The following USP36 variants were observed in gnomAD, a reference collection of about 807,000 sequenced individuals.
The protein encoded by USP36 is ubiquitin carboxyl-terminal hydrolase 36.
Under a neutral mutation model 111.5 loss-of-function variants are expected in USP36, and 59 were observed. That is an observed-to-expected ratio of 0.53 (90% CI 0.43 to 0.66). The LOEUF is 0.66. Among genes scored for constraint, USP36 ranks in the 30% least tolerant of loss-of-function variants. USP36 has a pLI of 0.00. For missense variants in USP36, 1,488 were observed against 1,468.0 expected, an observed-to-expected ratio of 1.01 and a Z score of -0.22; for synonymous variants, 628 against 581.0, an observed-to-expected ratio of 1.08 and a Z score of -1.16.
At chr17:78,805,093 A>G (rs1294641576) in intron 15 of USP36, among the ~76,000 whole-genome samples, 1 of 152,178 alleles carries the variant, frequency 6.6e-6, no homozygotes, top group Non-Finnish European at 1.5e-5. Context: ...ATGTGTCTCT[A>G]GGAAAATTAA....
intron 4 of USP36, among the ~76,000 whole-genome samples, chr17:78,830,803 A>G (rs2068012662): frequency 6.6e-6 from 1 of 152,152 alleles, no homozygotes; most frequent in Non-Finnish European, 1.5e-5. Context: ...TTGCCTTTAC[A>G]TAAAGGGGAG....
chr17:78,806,820 C>G, intron 14 of USP36, 139 bp downstream of exon 14: 1 of 1,235,168 alleles, frequency 8.1e-7, no homozygotes, highest in African/African-American at 1.5e-5. Flanking sequence ...TGGCTGGGAA[C>G]GACTAAAAGA....
At chr17:78,840,207 G>A (rs2145716880) in intron 1 of USP36, 2 of 152,428 alleles carry the variant, frequency 1.3e-5, no homozygotes, top group East Asian at 3.9e-4. Context: ...TCTGGGTTTG[G>A]CGGCCGCCAC....
At chr17:78,838,549 A>G (rs1020388308) in intron 2 of USP36, 38 bp downstream of exon 2, 5 of 152,190 alleles carry the variant, frequency 3.3e-5, no homozygotes, top group Admixed American at 2.0e-4. Context: ...AGACAATTCA[A>G]CGGAATCAAA....
At chr17:78,805,388 G>A (rs1439677964) in intron 15 of USP36, among the ~76,000 whole-genome samples, 1 of 152,208 alleles carries the variant, frequency 6.6e-6, no homozygotes, top group East Asian at 1.9e-4. Context: ...GTATATGTGA[G>A]AGGAGAGTAA....
At position 78,827,265 on chromosome 17, in the gene USP36, G is replaced by C. The variant is rs900975228; in HGVS notation, c.669C>G (p.Ala223=). 5.0e-6 allele frequency: 8 copies of C among 1,613,756 alleles called. No homozygotes were observed. The highest frequency in any genetic ancestry group is 6.8e-6 in the Non-Finnish European group (8 of 1,180,038). Reference sequence around the variant, plus strand: ...CGCACTTGGCACAGCCATTCAGGCAGGCTTTCTGCATGGCGTCGATGGTGT... The same window carrying C: ...CGCACTTGGCACAGCCATTCAGGCACGCTTTCTGCATGGCGTCGATGGTGT... The part of the protein sequence containing the change: ...LRYTIDAMQK[A]CLNGCAKLDR... The change falls in exon 6 of 21, where the codon GCC becomes GCG. Residue 223 remains alanine, a synonymous_variant. Transcript: ENST00000449938.
In USP36 at chr17:78,803,652, T is replaced by G. The variant is rs768866105; in HGVS notation, c.2543A>C (p.Lys848Thr). ...AAPHGKRKRK[K>T]KKRPEDTAAS... is the part of the protein sequence containing the mutation. ...AGCTGTGTCCTCCGGGCGCTTCTTC[T>G]TCTTCCTCTTCCTCTTCCCGTGGGG... Residue 848 changes from lysine (K) to threonine (T), a missense_variant, in exon 16 of 21, where the codon AAG becomes ACG. Transcript: ENST00000449938. This position sits in a 1 kb window ranked among gnomAD's most constrained non-coding sequence, Gnocchi z 4.6. The G allele has an allele frequency of 1.2e-6, 2 of 1,609,986 alleles. No individual in the cohort carries two copies. Among genetic ancestry groups the G allele is most frequent in the Admixed American group, 1.7e-5 (1 of 59,804 alleles).
chr17:78,800,587 A>C (rs1460736818), intron 17 of USP36, among the ~76,000 whole-genome samples: 6 of 152,164 alleles, frequency 3.9e-5, no homozygotes, highest in Non-Finnish European at 5.9e-5. Context: ...GCCCCCACAC[A>C]GTGGCTTCCA....
chr17:78,822,535 G>C (rs185392724), intron 6 of USP36, among the ~76,000 whole-genome samples: 2 of 152,238 alleles, frequency 1.3e-5, no homozygotes, highest in Non-Finnish European at 2.9e-5. Context: ...GTCTCAGAGA[G>C]GACAGCGGAG....
chr17:78,816,051 C>A (rs560972897), intron 10 of USP36, among the ~76,000 whole-genome samples: 17 of 152,290 alleles, frequency 1.1e-4, no homozygotes, highest in Admixed American at 1.1e-3. Context: ...GGCATGGCAG[C>A]TGTAGGCTGA....
intron 6 of USP36, among the ~76,000 whole-genome samples, chr17:78,825,392 T>C (rs2067445292): frequency 6.6e-6 from 1 of 152,146 alleles, no homozygotes; most frequent in Admixed American, 6.5e-5. Context: ...TATGAGAAGC[T>C]CACCATTGGT....
At chr17:78,821,903 G>C in intron 7 of USP36, 34 bp downstream of exon 7, 1 of 1,611,468 alleles carries the variant, frequency 6.2e-7, no homozygotes, top group Non-Finnish European at 8.5e-7. Flanking sequence ...TTCTAATCCT[G>C]GCAAGAAGCA....
chr17:78,828,496 A>G (rs1267785960), intron 5 of USP36, among the ~76,000 whole-genome samples: 1 of 152,046 alleles, frequency 6.6e-6, no homozygotes, highest in African/African-American at 2.4e-5. Context: ...CACCTGCCCA[A>G]AGGAAAAGCT....
At chr17:78,791,530 T>C (rs184567725), downstream of USP36, among the ~76,000 whole-genome samples, 190 of 152,234 alleles carry the variant, frequency 1.2e-3, 1 homozygote, top group African/African-American at 4.5e-3. Flanking sequence ...AGAAAGCAAC[T>C]TGAAGCAACA....
chr17:78,820,480 AAAAGC>A (rs1475326342), intron 8 of USP36, among the ~76,000 whole-genome samples: 3 of 152,230 alleles, frequency 2.0e-5, no homozygotes, highest in African/African-American at 7.2e-5. Flanking sequence ...CCTATAAAAA[AAAAGC>A]AAAGCAAAGA....
chr17:78,807,493 T>C lies in USP36; in HGVS notation c.1551A>G (p.Lys517=), dbSNP rs944644772. 1.7e-5 allele frequency: 28 copies of C among 1,613,224 alleles called. No individual in the cohort carries two copies. Among genetic ancestry groups the C allele is most frequent in the Non-Finnish European group, 2.2e-5 (26 of 1,179,768 alleles). The part of the protein sequence containing the change: ...PKLPSGSPSP[K]LSQTPTHMPT... Reference sequence around the variant, plus strand: ...GCATGTGTGTGGGTGTCTGGGAGAGTTTGGGGGAAGGGGACCCCGAGGGCA... The same window carrying C: ...GCATGTGTGTGGGTGTCTGGGAGAGCTTGGGGGAAGGGGACCCCGAGGGCA... Residue 517 remains lysine, a synonymous_variant, in exon 14 of 21, where the codon AAA becomes AAG. Coordinates refer to ENST00000449938, the MANE Select transcript of USP36 (RefSeq NM_001385174.1).
intron 17 of USP36, 100 bp from the exon 18 acceptor site, chr17:78,799,868 G>C (rs112951160): frequency 1.8e-4 from 76 of 423,082 alleles, no homozygotes; most frequent in African/African-American, 1.5e-3. Flanking sequence ...ACAGTAAGTG[G>C]ATGCTTGCCT....
intron 8 of USP36, 56 bp downstream of exon 8, chr17:78,820,935 T>A: frequency 6.4e-7 from 1 of 1,553,054 alleles, no homozygotes; most frequent in Middle Eastern, 1.7e-4. Flanking sequence ...GGGTTCTGTT[T>A]CACCCTCTGG....
At chr17:78,807,669 G>A (rs2093944957) in intron 13 of USP36, 33 bp from the exon 14 acceptor site, 1 of 1,508,182 alleles carries the variant, frequency 6.6e-7, no homozygotes, top group Non-Finnish European at 8.9e-7. Flanking sequence ...CACAACTGAG[G>A]AAGCGAGAAG....
Sources: allele counts gnomAD v4.1 joint callset (sites outside exome capture counted in the v4.1 genomes callset), GRCh38; gene constraint gnomAD v4.1.1; non-coding constraint Gnocchi (gnomAD v3.1); transcripts MANE v1.5; gene names NCBI Gene and HGNC (gene_info 2026-07-23, HGNC 2026-07-21).